The following DNAH10 variants were observed in gnomAD, a reference collection of about 807,000 sequenced individuals.
DNAH10 encodes the protein dynein axonemal heavy chain 10, also known as axonemal beta dynein heavy chain 10.
DNAH10 carries 348 observed loss-of-function variants against 506.6 expected under a neutral mutation model. That is an observed-to-expected ratio of 0.69 (90% CI 0.63 to 0.75). The LOEUF (loss-of-function observed/expected upper bound fraction) is 0.75. Ranked by LOEUF, DNAH10 falls within the 30% of genes least tolerant of loss-of-function variation. The pLI, the probability that DNAH10 is intolerant of heterozygous loss-of-function variation, is 0.00. For synonymous variants in DNAH10, 2,059 were observed against 2,198.6 expected, an observed-to-expected ratio of 0.94 and a Z score of 1.78; for missense variants, 5,179 against 5,787.1, an observed-to-expected ratio of 0.89 and a Z score of 3.41.
At chr12:123,915,239 T>G (rs1266856934) in intron 62 of DNAH10, among the ~76,000 whole-genome samples, 1 of 152,128 alleles carries the variant, frequency 6.6e-6, no homozygotes, top group Non-Finnish European at 1.5e-5. Flanking sequence ...TGAGCAACCT[T>G]AGCTTCGTGT....
At position 123,784,079 on chromosome 12, in the gene DNAH10, G is replaced by A; in HGVS notation, c.1132G>A (p.Val378Met). 1.2e-6 allele frequency: 2 copies of A among 1,614,222 alleles called. No individual in the cohort carries two copies. Among genetic ancestry groups the A allele is most frequent in the Non-Finnish European group, 1.7e-6 (2 of 1,180,044 alleles). ...DVIKESDSML[V>M]ANLQPVFTEL... ...GATCAAGGAATCCGACTCCATGCTT[G>A]TGGCTAATCTGCAGCCAGTGTTCAC... The change falls in exon 8 of 79, where the codon GTG becomes ATG. Residue 378 changes from valine to methionine, a missense_variant. This residue lies in a region of DNAH10 where 4,844 missense variants were observed against 5,430.5 expected (regional missense o/e 0.89). Transcript: ENST00000673944.
chr12:123,840,173 A>T (rs1950717152), intron 29 of DNAH10, among the ~76,000 whole-genome samples: 1 of 151,858 alleles, frequency 6.6e-6, no homozygotes, highest in African/African-American at 2.4e-5. Context: ...ACATCTCCAG[A>T]CATTGCCAAT....
rs998716082 is a variant in DNAH10, at chr12:123,806,427, C to G, written c.2987+1387C>G. On this transcript the variant is annotated intron_variant, in intron 18 of 78. Coordinates refer to ENST00000673944, the MANE Select transcript of DNAH10 (RefSeq NM_001372106.1). ...GAAAGGGCTGGGATTTGAACCTGGGCAGTCTGACTCCAGTATCATTTCCTG... is the reference window on the plus strand; with the variant it reads ...GAAAGGGCTGGGATTTGAACCTGGGGAGTCTGACTCCAGTATCATTTCCTG... Among the ~76,000 whole-genome samples, 11 of 152,164 alleles carry G rather than the reference C, an allele frequency of 7.2e-5. 1 individual carries two copies. The highest frequency in any genetic ancestry group is 7.2e-4 in the Admixed American group (11 of 15,260).
chr12:123,892,311 C>T (rs1316751067), intron 52 of DNAH10, among the ~76,000 whole-genome samples: 1 of 152,156 alleles, frequency 6.6e-6, no homozygotes, highest in Non-Finnish European at 1.5e-5. Context: ...GTCCCATGGC[C>T]AGAGTGGGAG....
intron 52 of DNAH10, among the ~76,000 whole-genome samples, chr12:123,892,695 G>A (rs987480507): frequency 2.0e-5 from 3 of 152,198 alleles, no homozygotes; most frequent in Non-Finnish European, 4.4e-5. Flanking sequence ...AATTTGAAAC[G>A]GCGTAGATAT....
chr12:123,928,775 T>A lies in DNAH10; in HGVS notation c.12306+188T>A. On this transcript the variant is annotated intron_variant, in intron 70 of 78. Transcript: ENST00000673944. The surrounding 1 kb of genome is among the most constrained non-coding windows in gnomAD (Gnocchi z 4.9). ...GAGGGAGCCGCTGTCCTGGGTTGGG[T>A]GTTTGTGACTCCCAGGCCTATCTCT... is the stretch of plus-strand genomic sequence containing the variant. 1 of 652,640 alleles carries A rather than the reference T, an allele frequency of 1.5e-6. No individual in the cohort carries two copies. Among genetic ancestry groups the A allele is most frequent in the South Asian group, 2.0e-5 (1 of 50,540 alleles). The allele number at this position is 652,640 out of a possible 1,614,324, so 40.4% of individuals were successfully genotyped here.
chr12:123,833,185 G>A lies in DNAH10; in HGVS notation c.4617G>A (p.Gln1539=). The change falls in exon 27 of 79, where the codon CAG becomes CAA. Residue 1539 remains glutamine, a synonymous_variant. Transcript: ENST00000673944. ...FTVVKYCKGT[Q]ERGYILGSVD... is the part of the protein sequence containing the mutation. ...TAGTCAAGTATTGCAAAGGCACACA[G>A]GAGCGAGGCTACATCCTGGGTTCTG... 6.2e-7 allele frequency: 1 copy of A among 1,613,470 alleles called. No individual in the cohort carries two copies. Among genetic ancestry groups the A allele is most frequent in the Non-Finnish European group, 8.5e-7 (1 of 1,179,460 alleles).
intron 17 of DNAH10, among the ~76,000 whole-genome samples, chr12:123,804,211 G>A (rs973636547): frequency 2.6e-5 from 4 of 151,584 alleles, no homozygotes; most frequent in Non-Finnish European, 5.9e-5. Flanking sequence ...TTTTTTATGG[G>A]CTCACATTTA....
intron 51 of DNAH10, among the ~76,000 whole-genome samples, chr12:123,883,213 C>T (rs994640938): frequency 6.6e-6 from 1 of 152,214 alleles, no homozygotes; most frequent in Non-Finnish European, 1.5e-5. Flanking sequence ...GTTTGCATTG[C>T]TCTTGAGTAT....
intron 51 of DNAH10, 56 bp from the exon 52 acceptor site, chr12:123,887,086 G>T (rs535848874): frequency 2.0e-6 from 3 of 1,526,198 alleles, no homozygotes; most frequent in Non-Finnish European, 2.6e-6. Context: ...CCCGGAGCCC[G>T]CAGGGAAGGG....
intron 47 of DNAH10, among the ~76,000 whole-genome samples, chr12:123,877,397 C>T (rs747575251): frequency 2.0e-5 from 3 of 152,174 alleles, no homozygotes; most frequent in African/African-American, 4.8e-5. Flanking sequence ...CTGCAACCTC[C>T]GCCTCCTGGG....
At chr12:123,836,216 C>T (rs149448484) in intron 28 of DNAH10, among the ~76,000 whole-genome samples, 1,560 of 152,198 alleles carry the variant, frequency 0.01, 16 homozygotes, top group Non-Finnish European at 0.017. Context: ...TTGTGTACAA[C>T]TTTATATCAT....
intron 13 of DNAH10, among the ~76,000 whole-genome samples, chr12:123,797,577 G>C (rs1366156332): frequency 6.6e-6 from 1 of 151,916 alleles, no homozygotes; most frequent in Non-Finnish European, 1.5e-5. Flanking sequence ...ATTTTTTGTA[G>C]AGATGAGGTT....
Position 123,893,264 on chromosome 12 carries a change from G to A in DNAH10, c.9027G>A (p.Glu3009=). 6.2e-7 allele frequency: 1 copy of A among 1,614,038 alleles called. No individual in the cohort carries two copies. Among genetic ancestry groups the A allele is most frequent in the South Asian group, 1.1e-5 (1 of 91,080 alleles). Residue 3009 remains glutamate (E), a synonymous_variant, in exon 53 of 79, where the codon GAG becomes GAA. Coordinates refer to ENST00000673944, the MANE Select transcript of DNAH10 (RefSeq NM_001372106.1). ...GIVPALFSEE[E]KESILSQIGQ... The stretch of plus-strand genomic sequence containing the variant: ...TACCTGCGCTTTTTTCTGAAGAGGA[G>A]AAAGAGTCTATCCTGAGTCAGATTG...
At position 123,785,875 on chromosome 12, in the gene DNAH10, C is replaced by T. The variant is rs944806735; in HGVS notation, c.1360C>T (p.Arg454Cys). Residue 454 changes from arginine to cysteine, a missense_variant, in exon 9 of 79, where the codon CGC (arginine) becomes TGC (cysteine). Arg to Cys is a radical substitution (Grantham distance 180, BLOSUM62 -3). This residue lies in a region of DNAH10 where 4,844 missense variants were observed against 5,430.5 expected (regional missense o/e 0.89). Transcript: ENST00000673944. The surrounding 1 kb of genome is among the most constrained non-coding windows in gnomAD (Gnocchi z 4.1). ...CGAGAGGATGATTCCGCTCATGGAG[C>T]GCATCGCCTGGGAAATCGCTGAGAG... is the stretch of plus-strand genomic sequence containing the variant. ...KDERMIPLME[R>C]IAWEIAERVC... is the part of the protein sequence containing the mutation. 1.2e-5 allele frequency: 20 copies of T among 1,614,012 alleles called. No individual in the cohort carries two copies. The highest frequency in any genetic ancestry group is 1.6e-4 in the Middle Eastern group (1 of 6,084).
Position 123,916,346 on chromosome 12 carries a change from C to T in DNAH10, c.10723-111C>T. ...TCTCTCTTCTTTTCACCTCTGGCCC[C>T]CTCCAAGTTCCTGGCCCATCCACTT... On this transcript the variant is annotated intron_variant, in intron 62 of 78. Transcript: ENST00000673944. This position sits in a 1 kb window ranked among gnomAD's most constrained non-coding sequence, Gnocchi z 4.6. The T allele has an allele frequency of 7.2e-7, 1 of 1,388,978 alleles. No homozygotes were observed. The allele number at this position is 1,388,978 out of a possible 1,614,324, so 86.0% of individuals were successfully genotyped here.
At chr12:123,860,578 G>A (rs544236371) in intron 38 of DNAH10, among the ~76,000 whole-genome samples, 1 of 152,300 alleles carries the variant, frequency 6.6e-6, no homozygotes, top group South Asian at 2.1e-4. Context: ...CAACAGAGCA[G>A]CTGTTGTTCT....
chr12:123,880,174 A>T (rs553847427), intron 50 of DNAH10, among the ~76,000 whole-genome samples: 4 of 152,264 alleles, frequency 2.6e-5, no homozygotes, highest in African/African-American at 9.6e-5. Flanking sequence ...AGCCCAGCAG[A>T]TGGAAATCTC....
intron 25 of DNAH10, among the ~76,000 whole-genome samples, chr12:123,829,182 T>C (rs7969207): frequency 0.54 from 82,608 of 151,998 alleles, 23,852 homozygotes; most frequent in African/African-American, 0.68. Flanking sequence ...TGGTCGAAGT[T>C]GAGGGGGAAG....
Sources: allele counts gnomAD v4.1 joint callset (sites outside exome capture counted in the v4.1 genomes callset), GRCh38; gene constraint gnomAD v4.1.1; regional missense constraint gnomAD v4.1.1; non-coding constraint Gnocchi (gnomAD v3.1); transcripts MANE v1.5; gene names NCBI Gene and HGNC (gene_info 2026-07-23, HGNC 2026-07-21).